DHRS7: variants seen among roughly 807,000 people sequenced by gnomAD.
DHRS7 encodes the protein dehydrogenase/reductase SDR family member 7.
In DHRS7, 34 loss-of-function variants were observed where a neutral mutation model predicts 38.9. That is an observed-to-expected ratio of 0.87 (90% CI 0.66 to 1.16). The LOEUF (loss-of-function observed/expected upper bound fraction) is 1.16, where lower values mean the gene tolerates loss of function less well. Among genes scored for constraint, DHRS7 ranks in the 50% most tolerant of loss-of-function variants. The pLI is 0.00. For synonymous variants in DHRS7, 158 were observed against 153.1 expected, an observed-to-expected ratio of 1.03 and a Z score of -0.24; for missense variants, 421 against 407.0, an observed-to-expected ratio of 1.03 and a Z score of -0.30.
intron 4 of DHRS7, among the ~76,000 whole-genome samples, chr14:60,150,822 T>G (rs559034496): frequency 1.3e-5 from 2 of 152,336 alleles, no homozygotes; most frequent in East Asian, 3.9e-4. Context: ...CTCAGCTCTT[T>G]CCAGGTATAA....
intron 1 of DHRS7, among the ~76,000 whole-genome samples, chr14:60,160,343 C>CTTTT (rs752997109): frequency 8.6e-6 from 1 of 116,794 alleles, no homozygotes; most frequent in African/African-American, 3.2e-5. Flanking sequence ...AAAAAAACTT[C>CTTTT]TTTTTTTTTT....
At chr14:60,163,325 T>C (rs975988638) in intron 1 of DHRS7, among the ~76,000 whole-genome samples, 1 of 152,142 alleles carries the variant, frequency 6.6e-6, no homozygotes, top group African/African-American at 2.4e-5. Context: ...TGAAAAACAT[T>C]TTTATGGTTT....
At chr14:60,157,444 A>G (rs1896681088) in intron 1 of DHRS7, among the ~76,000 whole-genome samples, 1 of 152,256 alleles carries the variant, frequency 6.6e-6, no homozygotes. Flanking sequence ...AACATAGAAC[A>G]GTCACTTAAT....
chr14:60,150,144 C>A lies in DHRS7; in HGVS notation c.677G>T (p.Gly226Val), dbSNP rs923670519. 5 of 1,597,660 alleles carry A rather than the reference C, an allele frequency of 3.1e-6. No individual in the cohort carries two copies. The highest frequency in any genetic ancestry group is 3.4e-5 in the Admixed American group (2 of 58,006). The change falls in exon 5 of 7, where the codon GGT (glycine) becomes GTT (valine). Residue 226 changes from glycine to valine, a missense_variant. Transcript: ENST00000557185. ...GLRTELATYP[G>V]IIVSNICPGP... is the part of the protein sequence containing the mutation. Reference sequence around the variant, plus strand: ...TGGGCAAATGTTAGAAACTATTATACCTGGGTATGTGGCAAGTTCTGTTCG... The same window carrying A: ...TGGGCAAATGTTAGAAACTATTATAACTGGGTATGTGGCAAGTTCTGTTCG...
upstream of DHRS7, chr14:60,166,165 C>T: frequency 6.5e-6 from 6 of 926,320 alleles, no homozygotes; most frequent in Non-Finnish European, 5.2e-6. Flanking sequence ...TTTGAAATGA[C>T]CTTCAAAACA....
At position 60,165,295 on chromosome 14, in the gene DHRS7, C is replaced by CAGCT. The variant is rs767438783; in HGVS notation, c.11_14dup (p.Leu6AlafsTer25). The CAGCT allele has an allele frequency of 2.5e-6, 4 of 1,593,218 alleles. No homozygotes were observed. In the African/African-American group the frequency reaches 5.3e-5, roughly 21 times the overall value. On this transcript the variant is annotated frameshift_variant, in exon 1 of 7. Coordinates refer to ENST00000557185, the MANE Select transcript of DHRS7 (RefSeq NM_016029.4). LOFTEE classifies it high-confidence loss of function. The surrounding 1 kb of genome is among the most constrained non-coding windows in gnomAD (Gnocchi z 4.6). ...CGCACAGCACCAGCAGCCACAGCAG[C>CAGCT]AGCTCCCAGTTCATTGCGGCCGCGC...
At position 60,145,190 on chromosome 14, in the gene DHRS7, G is replaced by T. The variant is rs557102264; in HGVS notation, c.973-177C>A. On this transcript the variant is annotated intron_variant, in intron 6 of 6. Coordinates refer to ENST00000557185, the MANE Select transcript of DHRS7 (RefSeq NM_016029.4). This position sits in a 1 kb window ranked among gnomAD's most constrained non-coding sequence, Gnocchi z 4.0. ...AAAAATCATAGCCAAAATTCTAGAT[G>T]TACACAAAAGTACTTCTAATGAGTT... 21 of 464,586 alleles carry T rather than the reference G, an allele frequency of 4.5e-5. No homozygotes were observed. The South Asian group carries it at 9.8e-4, about 22-fold the overall frequency. 28.8% of individuals were successfully genotyped at this position (464,586 alleles called of 1,614,324 possible). A position where few individuals can be genotyped will look rare whatever the true frequency, so the allele number is the denominator to read the frequency against.
At chr14:60,158,572 T>C (rs1006002862) in intron 1 of DHRS7, among the ~76,000 whole-genome samples, 4 of 152,218 alleles carry the variant, frequency 2.6e-5, no homozygotes, top group Non-Finnish European at 5.9e-5. Flanking sequence ...GTGTAAACTT[T>C]TAATACAATC....
chr14:60,165,051 C>A lies in DHRS7; in HGVS notation c.133+126G>T, dbSNP rs1595203545. 3.2e-6 allele frequency: 4 copies of A among 1,250,634 alleles called. No homozygotes were observed. In the East Asian group the frequency reaches 7.6e-5, roughly 24 times the overall value. 77.5% of individuals were successfully genotyped at this position (1,250,634 alleles called of 1,614,324 possible). ...AGCCCCTGCGTAAGGGGCAGCCGGG[C>A]CTTCGGGAAGCTCCACGCAACCCAC... On this transcript the variant is annotated intron_variant, in intron 1 of 6. Transcript: ENST00000557185. This position sits in a 1 kb window ranked among gnomAD's most constrained non-coding sequence, Gnocchi z 4.6.
At chr14:60,149,610 T>C in intron 5 of DHRS7, 42 bp from the exon 6 acceptor site, 1 of 1,497,164 alleles carries the variant, frequency 6.7e-7, no homozygotes, top group Non-Finnish European at 9.1e-7. Flanking sequence ...CCAAGCGATT[T>C]CACATAACTT....
chr14:60,149,045 T>C, intron 6 of DHRS7: 2 of 342,216 alleles, frequency 5.8e-6, no homozygotes, highest in African/African-American at 2.1e-5. Flanking sequence ...CCATCCTGGC[T>C]CACTGCAACC....
chr14:60,166,254 A>G (rs1896865891), upstream of DHRS7: 6 of 985,352 alleles, frequency 6.1e-6, no homozygotes, highest in African/African-American at 1.7e-5. Flanking sequence ...AGCATTTGAA[A>G]GCAAGAGGGT....
chr14:60,168,491 T>C (rs1204427981), upstream of DHRS7, among the ~76,000 whole-genome samples: 2 of 152,222 alleles, frequency 1.3e-5, no homozygotes, highest in Admixed American at 1.3e-4. Flanking sequence ...TCTAAAATTA[T>C]GTAAAATTTA....
At position 60,153,159 on chromosome 14, in the gene DHRS7, T is replaced by C. The variant is rs147318951; in HGVS notation, c.413A>G (p.Asn138Ser). 8.1e-5 allele frequency: 131 copies of C among 1,614,102 alleles called. No individual in the cohort carries two copies. In the African/African-American group the frequency reaches 1.5e-3, roughly 19 times the overall value. Reference protein sequence around the residue: ...EFGRIDILVNNGGMSQRSLCM... With the variant: ...EFGRIDILVNSGGMSQRSLCM... The stretch of plus-strand genomic sequence containing the variant: ...CAGAGAACGCTGGGACATTCCACCA[T>C]TGTTGACCAGAATGTCGATCTAGTT... The change falls in exon 4 of 7, where the codon AAT becomes AGT. Residue 138 changes from asparagine (N) to serine (S), a missense_variant. Transcript: ENST00000557185. This position sits in a 1 kb window ranked among gnomAD's most constrained non-coding sequence, Gnocchi z 4.4.
At chr14:60,156,793 A>G in intron 1 of DHRS7, among the ~76,000 whole-genome samples, 1 of 152,234 alleles carries the variant, frequency 6.6e-6, no homozygotes. Context: ...CTTTCATCTT[A>G]GGAGAATATA....
intron 5 of DHRS7, 118 bp from the exon 6 acceptor site, chr14:60,149,686 A>C: frequency 1.4e-6 from 1 of 724,556 alleles, no homozygotes. Flanking sequence ...CATGCCCCTT[A>C]GGAGTCTCCA....
At chr14:60,160,881 G>A (rs372804487) in intron 1 of DHRS7, among the ~76,000 whole-genome samples, 2 of 152,286 alleles carry the variant, frequency 1.3e-5, no homozygotes, top group African/African-American at 2.4e-5. Context: ...GTGAGCTACC[G>A]CATCTGGCCA....
chr14:60,147,134 G>A (rs113075019), intron 6 of DHRS7: 3,300 of 152,314 alleles, frequency 0.022, 59 homozygotes, highest in South Asian at 0.049. Context: ...TCAGGAGGCT[G>A]GGGTGGGAGG....
At chr14:60,164,030 G>A (rs1353186883) in intron 1 of DHRS7, among the ~76,000 whole-genome samples, 4 of 152,006 alleles carry the variant, frequency 2.6e-5, no homozygotes, top group African/African-American at 9.7e-5. Flanking sequence ...CTGCTGTGGC[G>A]TCCATGTTGT....
Sources: allele counts gnomAD v4.1 joint callset (sites outside exome capture counted in the v4.1 genomes callset), GRCh38; gene constraint gnomAD v4.1.1; non-coding constraint Gnocchi (gnomAD v3.1); transcripts MANE v1.5; gene names NCBI Gene and HGNC (gene_info 2026-07-23, HGNC 2026-07-21).